Variants in ITIH6 observed in about 807,000 individuals in gnomAD.
ITIH6 encodes the protein inter-alpha-trypsin inhibitor heavy chain family member 6, also known as inter-alpha-trypsin inhibitor heavy chain H6.
In ITIH6, 60 loss-of-function variants were observed where a neutral mutation model predicts 58.2. The ratio of observed to expected loss-of-function variants is 1.03; its 90% CI spans 0.84 to 1.28. The LOEUF (loss-of-function observed/expected upper bound fraction) is 1.28. Among genes scored for constraint, ITIH6 ranks in the 50% most tolerant of loss-of-function variants. ITIH6 has a pLI of 0.00. For synonymous variants in ITIH6, 493 were observed against 417.4 expected (o/e 1.18, Z -2.21); for missense variants, 1,290 against 1,021.1 (o/e 1.26, Z -3.59).
Position 54,757,328 on chromosome X carries a change from T to C in ITIH6, c.2746A>G (p.Ser916Gly). 8.3e-7 allele frequency: 1 copy of C among 1,199,275 alleles called. No individual in the cohort carries two copies. Reference protein sequence around the residue: ...NTISSSTGPSSTTTTSVLGEP... With the variant: ...NTISSSTGPSGTTTTSVLGEP... ...CCAAGGACAGAGGTGGTTGTGGTAC[T>C]GCTGGGACCTGTGGAACTTGAGATT... The change falls in exon 8 of 13, where the codon AGT becomes GGT. Residue 916 changes from serine to glycine, a missense_variant. Physicochemically the swap from Ser to Gly is moderately conservative, Grantham distance 56 (BLOSUM62 0). Coordinates refer to ENST00000218436, the MANE Select transcript of ITIH6 (RefSeq NM_198510.3).
chrX:54,789,617 C>G (rs1929307273), intron 4 of ITIH6, among the ~76,000 whole-genome samples: 1 of 112,482 alleles, frequency 8.9e-6, no homozygotes, highest in Non-Finnish European at 1.9e-5. Context: ...GGTCCAGGTT[C>G]CAGCTGCTGC....
Position 54,790,885 on chromosome X carries a change from G to A in ITIH6, c.568C>T (p.His190Tyr). Residue 190 changes from histidine to tyrosine, a missense_variant, in exon 4 of 13, where the codon CAC becomes TAC. By Grantham distance (83) the His-to-Tyr change is moderately conservative (BLOSUM62 2). Coordinates refer to ENST00000218436, the MANE Select transcript of ITIH6 (RefSeq NM_198510.3). ...VSERTGISYV[H>Y]IPPLRTGRLR... ...CGGCCGGTCCTCAGGGGTGGTATGT[G>A]CACATAGGAGATGCCTGTCCTTTCT... is the stretch of plus-strand genomic sequence containing the variant. 1 of 1,212,143 alleles carries A rather than the reference G, an allele frequency of 8.2e-7. No homozygotes were observed. The highest frequency in any genetic ancestry group is 3.0e-5 in the East Asian group (1 of 33,855).
At chrX:54,776,049 C>A (rs776199274) in intron 5 of ITIH6, among the ~76,000 whole-genome samples, 1 of 111,376 alleles carries the variant, frequency 9.0e-6, no homozygotes, top group South Asian at 3.8e-4. Flanking sequence ...ATTGCCAACA[C>A]CACGCCTACC....
At position 54,750,089 on chromosome X, in the gene ITIH6, C is replaced by T; in HGVS notation, c.3748G>A (p.Asp1250Asn). 8.3e-7 allele frequency: 1 copy of T among 1,207,253 alleles called. No homozygotes were observed. The highest frequency in any genetic ancestry group is 1.1e-6 in the Non-Finnish European group (1 of 892,904). The change falls in exon 13 of 13, where the codon GAC becomes AAC. Residue 1250 changes from aspartate (D) to asparagine (N), a missense_variant. Asp to Asn is a conservative substitution (Grantham distance 23, BLOSUM62 1). Coordinates refer to ENST00000218436, the MANE Select transcript of ITIH6 (RefSeq NM_198510.3). ...ATAGGTCCTGTCACCAGTCGGATGT[C>T]TGCGTGCTGGAACTGCCCTGAGGGA... ...RGLIGQFQHADIRLVTGPMGP... is the reference protein window; with the variant it reads ...RGLIGQFQHANIRLVTGPMGP...
intron 6 of ITIH6, among the ~76,000 whole-genome samples, chrX:54,765,521 A>C (rs1235776704): frequency 6.1e-4 from 66 of 107,444 alleles, no homozygotes; most frequent in African/African-American, 2.0e-3. Flanking sequence ...ATAGGGAATC[A>C]TTTCCCCATT....
chrX:54,751,463 T>A, intron 11 of ITIH6, 83 bp from the exon 12 acceptor site: 1 of 1,079,907 alleles, frequency 9.3e-7, no homozygotes, highest in Non-Finnish European at 1.3e-6. Context: ...GCAGATGAAG[T>A]AGTGCAGATT....
At chrX:54,767,844 G>A (rs1295178684) in intron 6 of ITIH6, among the ~76,000 whole-genome samples, 4 of 78,730 alleles carry the variant, frequency 5.1e-5, no homozygotes, top group African/African-American at 2.3e-4. Flanking sequence ...GTGTGGTGTG[G>A]TGCTGAAAAA....
intron 1 of ITIH6, 71 bp downstream of exon 1, chrX:54,798,038 T>A (rs1055756074): frequency 8.6e-5 from 61 of 706,533 alleles, no homozygotes; most frequent in Non-Finnish European, 1.2e-4. Context: ...TGAATAACCT[T>A]CCCAAATTTC....
Position 54,757,842 on chromosome X carries a change from TAGAG to T in ITIH6, c.2228_2231del (p.Ser743TyrfsTer20). The T allele has an allele frequency of 8.3e-7, 1 of 1,211,582 alleles. No individual in the cohort carries two copies. Among genetic ancestry groups the T allele is most frequent in the Non-Finnish European group, 1.1e-6 (1 of 895,390 alleles). On this transcript the variant is annotated frameshift_variant, in exon 8 of 13. Coordinates refer to ENST00000218436, the MANE Select transcript of ITIH6 (RefSeq NM_198510.3). LOFTEE classifies it high-confidence loss of function. ...GTAATATATCAGGATTCTGGTGTGATAGAGAGCCGGGCTTCAGAGGCAACAGAGT... is the reference window on the plus strand; with the variant it reads ...GTAATATATCAGGATTCTGGTGTGATAGCCGGGCTTCAGAGGCAACAGAGT...
rs771052513 is a variant in ITIH6 at position 54,770,722 on chromosome X, G to GA, written c.903+3358dup. On this transcript the variant is annotated intron_variant, in intron 6 of 12. Coordinates refer to ENST00000218436, the MANE Select transcript of ITIH6 (RefSeq NM_198510.3). ...CATTCACTAAATACATTGTTATTTT[G>GA]AAAAAATATTATCTGTTAGGTCAGT... is the stretch of plus-strand genomic sequence containing the variant. Among the ~76,000 whole-genome samples, 31 of 111,857 alleles carry GA rather than the reference G, an allele frequency of 2.8e-4. No homozygotes were observed. In the East Asian group the frequency reaches 7.3e-3, roughly 26 times the overall value.
At chrX:54,776,888 G>A (rs949818392) in intron 5 of ITIH6, among the ~76,000 whole-genome samples, 3 of 111,986 alleles carry the variant, frequency 2.7e-5, no homozygotes, top group African/African-American at 9.7e-5. Context: ...TATTGGGAGA[G>A]TGCTTATGTT....
intron 5 of ITIH6, among the ~76,000 whole-genome samples, chrX:54,774,805 C>G (rs1602061680): frequency 8.9e-6 from 1 of 111,803 alleles, no homozygotes; most frequent in East Asian, 2.8e-4. Flanking sequence ...TCCCCTCCCC[C>G]ACTCCATTCC....
Position 54,798,178 on chromosome X carries a change from G to A in ITIH6, c.33C>T (p.Ser11=). MSGWRYLICV[S]FLLTILLELT... Reference sequence around the variant, plus strand: ...GTTCAAGAAGAATGGTCAGCAAAAAGCTGACACAGATGAGGTACCTCCACC... The same window carrying A: ...GTTCAAGAAGAATGGTCAGCAAAAAACTGACACAGATGAGGTACCTCCACC... Residue 11 remains serine (S), a synonymous_variant, in exon 1 of 13, where the codon AGC becomes AGT. Transcript: ENST00000218436. The A allele has an allele frequency of 8.4e-7, 1 of 1,184,943 alleles. No individual in the cohort carries two copies. Among genetic ancestry groups the A allele is most frequent in the South Asian group, 1.9e-5 (1 of 52,776 alleles).
intron 2 of ITIH6, among the ~76,000 whole-genome samples, chrX:54,794,806 C>A (rs1231954382): frequency 9.0e-6 from 1 of 111,186 alleles, no homozygotes; most frequent in African/African-American, 3.3e-5. Context: ...TCTGGTAAAT[C>A]TGATAGTCCC....
rs535411713 is a variant in ITIH6 at position 54,772,852 on chromosome X, G to T, written c.903+1229C>A. On this transcript the variant is annotated intron_variant, in intron 6 of 12. Coordinates refer to ENST00000218436, the MANE Select transcript of ITIH6 (RefSeq NM_198510.3). The stretch of plus-strand genomic sequence containing the variant: ...GTGGTGTGATCTTGGTTCACTGCAA[G>T]CTCCACTCGCTGGGCTCAAGCCATT... Among the ~76,000 whole-genome samples, 15 of 111,801 alleles carry T rather than the reference G, an allele frequency of 1.3e-4. 1 individual carries two copies. The highest frequency in any genetic ancestry group is 9.5e-4 in the Admixed American group (10 of 10,528).
chrX:54,782,466 T>C (rs977071823), intron 5 of ITIH6, among the ~76,000 whole-genome samples: 5 of 111,510 alleles, frequency 4.5e-5, no homozygotes, highest in African/African-American at 1.6e-4. Flanking sequence ...GGTACTAGGC[T>C]TAATACTGGG....
chrX:54,788,655 T>C lies in ITIH6; in HGVS notation c.617-6A>G. On this transcript the variant is annotated splice_region_variant and splice_polypyrimidine_tract_variant and intron_variant, in intron 4 of 12. Transcript: ENST00000218436. ...TGGGGGTGAATCCACCTCACCTGTA[T>C]GGGTGGGGAGGATCGGGGCGGGGTG... 8.3e-7 allele frequency: 1 copy of C among 1,198,326 alleles called. No individual in the cohort carries two copies. The highest frequency in any genetic ancestry group is 1.1e-6 in the Non-Finnish European group (1 of 884,274).
rs1929458072 is a variant in ITIH6 at position 54,797,110 on chromosome X, CAGG to C, written c.103-17_103-15del. 4.2e-6 allele frequency: 5 copies of C among 1,201,489 alleles called. No homozygotes were observed. Among genetic ancestry groups the C allele is most frequent in the African/African-American group, 1.8e-5 (1 of 56,936 alleles). ...TGTCATTAACAACTGAGAGAGAAGA[CAGG>C]AGGAGGTGTTTTAGGTAGACTATGT... On this transcript the variant is annotated splice_polypyrimidine_tract_variant and intron_variant, in intron 1 of 12. Transcript: ENST00000218436.
rs1461392108 is a variant in ITIH6 at position 54,758,629 on chromosome X, A to C, written c.1445T>G (p.Leu482Arg). The change falls in exon 8 of 13, where the codon CTG becomes CGG. Residue 482 changes from leucine (L) to arginine (R), a missense_variant. Physicochemically the swap from Leu to Arg is moderately radical, Grantham distance 102 (BLOSUM62 -2). Coordinates refer to ENST00000218436, the MANE Select transcript of ITIH6 (RefSeq NM_198510.3). ...AGGGGAGGCCCCAACCAAGCCACCC[A>C]GGTAGTTCAGACGCACATCTGCCAG... Reference protein sequence around the residue: ...PLLADVRLNYLGGLVGASPWA... With the variant: ...PLLADVRLNYRGGLVGASPWA... The C allele has an allele frequency of 8.3e-7, 1 of 1,211,783 alleles. No individual in the cohort carries two copies. Among genetic ancestry groups the C allele is most frequent in the South Asian group, 1.8e-5 (1 of 56,965 alleles).
Sources: gnomAD v4.1 joint callset for allele counts (sites outside exome capture counted in the v4.1 genomes callset) on GRCh38, gnomAD v4.1.1 for gene constraint, MANE v1.5 for transcripts, NCBI Gene and HGNC (gene_info 2026-07-23, HGNC 2026-07-21) for gene names.